Variants in FOXO3 observed in about 807,000 individuals in gnomAD.
FOXO3 encodes forkhead box protein O3.
In FOXO3, 4 loss-of-function variants were observed where a neutral mutation model predicts 41.9. That is an observed-to-expected ratio of 0.10 (90% confidence interval 0.05 to 0.22). The LOEUF (loss-of-function observed/expected upper bound fraction) is 0.22, where lower values mean the gene tolerates loss of function less well. Ranked by LOEUF, FOXO3 falls within the 10% of genes least tolerant of loss-of-function variation. The pLI is 1.00. For missense variants in FOXO3, 534 were observed against 906.8 expected, an observed-to-expected ratio of 0.59 and a Z score of 5.28; for synonymous variants, 318 against 389.3, an observed-to-expected ratio of 0.82 and a Z score of 2.16.
chr6:108,679,188 A>G (rs1226818421), intron 2 of FOXO3, among the ~76,000 whole-genome samples: 3 of 152,250 alleles, frequency 2.0e-5, no homozygotes, highest in East Asian at 1.9e-4. Flanking sequence ...TAAATTCTTA[A>G]GATGGCCCGC....
At chr6:108,647,438 A>T (rs1173757738) in intron 1 of FOXO3, among the ~76,000 whole-genome samples, 1 of 152,148 alleles carries the variant, frequency 6.6e-6, no homozygotes, top group Non-Finnish European at 1.5e-5. Flanking sequence ...ATTCTTTTCC[A>T]TGCATGTCCA....
chr6:108,666,097 A>G (rs1454979870), intron 2 of FOXO3, among the ~76,000 whole-genome samples: 3 of 152,114 alleles, frequency 2.0e-5, no homozygotes, highest in Non-Finnish European at 2.9e-5. Flanking sequence ...TGCTACCACT[A>G]TGGTTGTGTC....
intron 1 of FOXO3, among the ~76,000 whole-genome samples, chr6:108,606,977 CAAATG>C (rs1777221815): frequency 6.6e-6 from 1 of 152,162 alleles, no homozygotes; most frequent in East Asian, 1.9e-4. Context: ...TGTGTAAAAA[CAAATG>C]AACCCTTGGG....
intron 1 of FOXO3, among the ~76,000 whole-genome samples, chr6:108,657,843 A>G (rs1340802518): frequency 6.6e-6 from 1 of 152,210 alleles, no homozygotes; most frequent in Non-Finnish European, 1.5e-5. Flanking sequence ...CTATTTATTT[A>G]CCTTTCCTGC....
intron 1 of FOXO3, among the ~76,000 whole-genome samples, chr6:108,650,366 C>G (rs1225626761): frequency 2.0e-5 from 3 of 152,150 alleles, no homozygotes; most frequent in Admixed American, 1.3e-4. Flanking sequence ...GAACTGTTTC[C>G]TACGTTCTTT....
At position 108,681,963 on chromosome 6, in the gene FOXO3, C is replaced by G. The variant is rs1181126742; in HGVS notation, c.*2171C>G. On this transcript the variant is annotated 3_prime_UTR_variant, in exon 3 of 3. Coordinates refer to ENST00000406360, the MANE Select transcript of FOXO3 (RefSeq NM_001455.4). Reference sequence around the variant, plus strand: ...CCTGTGTGGGGATGCATTGCAGAGGCACTAGTAGCATGGGGGCTAGAGTGG... The same window carrying G: ...CCTGTGTGGGGATGCATTGCAGAGGGACTAGTAGCATGGGGGCTAGAGTGG... 6.6e-6 allele frequency: 1 copy of G among 152,006 alleles called. No homozygotes were observed. Among genetic ancestry groups the G allele is most frequent in the Non-Finnish European group, 1.5e-5 (1 of 68,020 alleles). 9.4% of individuals were successfully genotyped at this position (152,006 alleles called of 1,614,324 possible).
intron 1 of FOXO3, among the ~76,000 whole-genome samples, chr6:108,573,102 C>T (rs190290619): frequency 2.6e-5 from 4 of 151,854 alleles, no homozygotes; most frequent in East Asian, 1.9e-4. Context: ...CTGGCTAACA[C>T]GGTGAAACCC....
chr6:108,607,169 CA>C (rs58234641), intron 1 of FOXO3, among the ~76,000 whole-genome samples: 4,399 of 152,074 alleles, frequency 0.029, 219 homozygotes, highest in African/African-American at 0.098. Context: ...AATAATATTT[CA>C]GCTGGGCGCA....
At chr6:108,672,171 A>G (rs1008458216) in intron 2 of FOXO3, among the ~76,000 whole-genome samples, 1 of 152,182 alleles carries the variant, frequency 6.6e-6, no homozygotes, top group African/African-American at 2.4e-5. Context: ...TCAGAGAGAT[A>G]AAGAGCCATT....
chr6:108,629,184 G>A (rs1777893117), intron 1 of FOXO3, among the ~76,000 whole-genome samples: 1 of 152,146 alleles, frequency 6.6e-6, no homozygotes, highest in African/African-American at 2.4e-5. Flanking sequence ...GCGGTGTGGT[G>A]ATCACCAGCA....
intron 1 of FOXO3, among the ~76,000 whole-genome samples, chr6:108,631,626 C>T (rs1044826488): frequency 4.6e-5 from 7 of 151,888 alleles, no homozygotes; most frequent in Admixed American, 1.3e-4. Flanking sequence ...CCTTTCCTCT[C>T]GTGAGGACTT....
intron 2 of FOXO3, among the ~76,000 whole-genome samples, chr6:108,665,744 G>A (rs1400406297): frequency 7.3e-5 from 11 of 151,188 alleles, no homozygotes; most frequent in Admixed American, 7.3e-4. Context: ...AGGAGTTTGA[G>A]GCTGCAGTGA....
chr6:108,622,037 A>T (rs1012159252), intron 1 of FOXO3, among the ~76,000 whole-genome samples: 2 of 151,994 alleles, frequency 1.3e-5, no homozygotes, highest in African/African-American at 4.8e-5. Context: ...GGATCACTTG[A>T]GATCAGGCGT....
At chr6:108,672,764 C>A (rs895457252) in intron 2 of FOXO3, among the ~76,000 whole-genome samples, 2 of 152,106 alleles carry the variant, frequency 1.3e-5, no homozygotes, top group African/African-American at 4.8e-5. Flanking sequence ...CCTCTTTCTT[C>A]TTCTTTCTCT....
chr6:108,677,405 C>G (rs1485503190), intron 2 of FOXO3, among the ~76,000 whole-genome samples: 1 of 152,170 alleles, frequency 6.6e-6, no homozygotes, highest in Non-Finnish European at 1.5e-5. Flanking sequence ...GTTAGGGGCT[C>G]ATGGGTGTCC....
At chr6:108,646,039 T>C (rs1392845440) in intron 1 of FOXO3, among the ~76,000 whole-genome samples, 1 of 152,134 alleles carries the variant, frequency 6.6e-6, no homozygotes, top group African/African-American at 2.4e-5. Context: ...GTGGCCACTG[T>C]AAGAAGTGAT....
At position 108,663,953 on chromosome 6, in the gene FOXO3, G is replaced by A. The variant is rs761836917; in HGVS notation, c.1120G>A (p.Gly374Ser). The A allele has an allele frequency of 2.4e-5, 38 of 1,614,236 alleles. No individual in the cohort carries two copies. The highest frequency in any genetic ancestry group is 3.1e-5 in the Non-Finnish European group (37 of 1,180,046). ...VELPRLTDMA[G>S]TMNLNDGLTE... ...ACTGCCACGGCTGACTGATATGGCA[G>A]GCACCATGAATCTGAATGATGGGCT... Residue 374 changes from glycine (G) to serine (S), a missense_variant, in exon 2 of 3, where the codon GGC (glycine) becomes AGC (serine). Physicochemically the swap from Gly to Ser is moderately conservative, Grantham distance 56 (BLOSUM62 0). Transcript: ENST00000406360.
intron 1 of FOXO3, among the ~76,000 whole-genome samples, chr6:108,586,999 T>G (rs1166065414): frequency 6.7e-6 from 1 of 149,844 alleles, no homozygotes; most frequent in East Asian, 1.9e-4. Context: ...TTAGTAGAGA[T>G]GAGGCCTTGC....
At chr6:108,650,735 A>AG (rs34138137) in intron 1 of FOXO3, among the ~76,000 whole-genome samples, 4 of 152,238 alleles carry the variant, frequency 2.6e-5, no homozygotes, top group Non-Finnish European at 5.9e-5. Context: ...GTTAGAATAC[A>AG]GGGGTATCTG....
Sources: allele counts gnomAD v4.1 joint callset (sites outside exome capture counted in the v4.1 genomes callset), GRCh38; gene constraint gnomAD v4.1.1; transcripts MANE v1.5; gene names NCBI Gene and HGNC (gene_info 2026-07-23, HGNC 2026-07-21).